The following XYLB variants were observed in gnomAD, a reference collection of about 807,000 sequenced individuals.
XYLB encodes xylulokinase, also known as xylulose kinase.
In XYLB, 62 loss-of-function variants were observed where a neutral mutation model predicts 78.7. That is an observed-to-expected ratio of 0.79 (90% CI 0.64 to 0.97). XYLB has a LOEUF of 0.97. Among genes scored for constraint, XYLB ranks in the 50% least tolerant of loss-of-function variants. XYLB has a pLI of 0.00. For synonymous variants in XYLB, 245 were observed against 247.4 expected (o/e 0.99, Z 0.09); for missense variants, 687 against 676.8 (o/e 1.02, Z -0.17).
At chr3:38,382,632 G>T (rs894317576) in intron 15 of XYLB, among the ~76,000 whole-genome samples, 1 of 152,186 alleles carries the variant, frequency 6.6e-6, no homozygotes, top group Non-Finnish European at 1.5e-5. Flanking sequence ...CTGAAAATGA[G>T]ACTGGGTGAG....
At chr3:38,427,224 C>T in the XYLB span, among the ~76,000 whole-genome samples, 51 of 152,242 alleles carry the variant, frequency 3.3e-4, 1 homozygote, top group East Asian at 4.2e-3. Flanking sequence ...AGTGCCGCTT[C>T]GTTAGGTCTC....
At chr3:38,373,359 G>T (rs1482028527) in intron 10 of XYLB, among the ~76,000 whole-genome samples, 1 of 152,144 alleles carries the variant, frequency 6.6e-6, no homozygotes, top group African/African-American at 2.4e-5. Context: ...TTTTTCTAAC[G>T]ATCCACCAGA....
chr3:38,388,540 A>T (rs1015032658), intron 15 of XYLB, among the ~76,000 whole-genome samples: 1 of 152,212 alleles, frequency 6.6e-6, no homozygotes, highest in Non-Finnish European at 1.5e-5. Context: ...AGTAAAAAAA[A>T]GTCTAGAAGC....
downstream of XYLB, among the ~76,000 whole-genome samples, chr3:38,419,578 T>A (rs1007091162): frequency 1.9e-4 from 13 of 68,266 alleles, no homozygotes; most frequent in South Asian, 5.4e-4. Flanking sequence ...TTATTTTTCT[T>A]TATATATATA....
Sources: allele counts gnomAD v4.1 joint callset (sites outside exome capture counted in the v4.1 genomes callset), GRCh38; gene constraint gnomAD v4.1.1; transcripts MANE v1.5; gene names NCBI Gene and HGNC (gene_info 2026-07-23, HGNC 2026-07-21).